Variants in ST3GAL2 observed in about 807,000 individuals in gnomAD.
ST3GAL2 encodes the protein CMP-N-acetylneuraminate-beta-galactosamide-alpha-2,3-sialyltransferase 2.
Under a neutral mutation model 37.5 loss-of-function variants are expected in ST3GAL2, and 16 were observed. That is an observed-to-expected ratio of 0.43 (90% CI 0.29 to 0.65). ST3GAL2 has a LOEUF of 0.65. Among genes scored for constraint, ST3GAL2 ranks in the 30% least tolerant of loss-of-function variants. ST3GAL2 has a pLI of 0.17. For synonymous variants in ST3GAL2, 238 were observed against 202.9 expected (o/e 1.17, Z -1.47); for missense variants, 383 against 487.8 (o/e 0.79, Z 2.02).
intron 2 of ST3GAL2, 128 bp downstream of exon 2, chr16:70,398,064 G>A (rs1567669074): frequency 1.0e-6 from 1 of 964,420 alleles, no homozygotes; most frequent in East Asian, 2.6e-5. Context: ...TCAGTAATCT[G>A]TGATCCTATA....
intron 1 of ST3GAL2, among the ~76,000 whole-genome samples, chr16:70,410,564 CT>C (rs888260538): frequency 3.3e-5 from 5 of 151,736 alleles, no homozygotes; most frequent in African/African-American, 1.2e-4. Context: ...ACCCTCACCA[CT>C]TTTTTTCCCC....
intron 1 of ST3GAL2, among the ~76,000 whole-genome samples, chr16:70,425,793 C>G (rs938163898): frequency 6.6e-6 from 1 of 152,208 alleles, no homozygotes; most frequent in Non-Finnish European, 1.5e-5. Flanking sequence ...AAATCCCTAC[C>G]CTTGATAAAT....
chr16:70,410,805 C>A (rs1209930657), intron 1 of ST3GAL2, among the ~76,000 whole-genome samples: 1 of 133,932 alleles, frequency 7.5e-6, no homozygotes, highest in African/African-American at 2.7e-5. Flanking sequence ...CCATTTAGAT[C>A]CTGTTTTTTT....
rs1158297468 is a variant in ST3GAL2 at position 70,399,001 on chromosome 16, G to T, written c.-471C>A. On this transcript the variant is annotated 5_prime_UTR_variant, in exon 2 of 7. Transcript: ENST00000342907. Reference sequence around the variant, plus strand: ...CGTTCCCGGCAGCGGGGAAGCCCTAGAACTCCAATCACAACAGAGAGCACA... The same window carrying T: ...CGTTCCCGGCAGCGGGGAAGCCCTATAACTCCAATCACAACAGAGAGCACA... 7.2e-6 allele frequency: 3 copies of T among 416,338 alleles called. No homozygotes were observed. In the East Asian group the frequency reaches 1.0e-4, roughly 14 times the overall value. 25.8% of individuals were successfully genotyped at this position (416,338 alleles called of 1,614,324 possible).
At chr16:70,406,840 G>C (rs956755770) in intron 1 of ST3GAL2, among the ~76,000 whole-genome samples, 1 of 152,106 alleles carries the variant, frequency 6.6e-6, no homozygotes, top group Admixed American at 6.6e-5. Context: ...TCAGCTGAGA[G>C]ATGGTCTAGA....
In ST3GAL2 at chr16:70,378,393, G is replaced by A. The variant is rs2047366596; in HGVS notation, c.*3296C>T. The A allele has an allele frequency of 9.0e-6, 1 of 110,676 alleles. No individual in the cohort carries two copies. The highest frequency in any genetic ancestry group is 1.7e-5 in the Non-Finnish European group (1 of 57,612). 6.9% of individuals were successfully genotyped at this position (110,676 alleles called of 1,614,324 possible). ...CACTCCAGCCTGGGTGACAGAGCAAGACTCCATCTCAAAAAAAAAAAAAAA... is the reference window on the plus strand; with the variant it reads ...CACTCCAGCCTGGGTGACAGAGCAAAACTCCATCTCAAAAAAAAAAAAAAA... On this transcript the variant is annotated 3_prime_UTR_variant, in exon 7 of 7. Coordinates refer to ENST00000342907, the MANE Select transcript of ST3GAL2 (RefSeq NM_006927.4).
At chr16:70,402,283 C>CAAAA (rs1042560583) in intron 1 of ST3GAL2, among the ~76,000 whole-genome samples, 301 of 39,420 alleles carry the variant, frequency 7.6e-3, no homozygotes, top group Middle Eastern at 0.013. Flanking sequence ...AACTATTTCT[C>CAAAA]AAAAAAAAAA....
At chr16:70,413,722 G>A (rs906805986) in intron 1 of ST3GAL2, among the ~76,000 whole-genome samples, 1 of 150,342 alleles carries the variant, frequency 6.7e-6, no homozygotes, top group Admixed American at 6.6e-5. Flanking sequence ...GGCAACAAAA[G>A]CGAAACTCCA....
rs568922504 is a variant in ST3GAL2, at chr16:70,426,623, T to C, written c.-1004+12326A>G. On this transcript the variant is annotated intron_variant, in intron 1 of 6. Coordinates refer to ENST00000342907, the MANE Select transcript of ST3GAL2 (RefSeq NM_006927.4). ...GCCTCCCGGGTTCAAGCGATTCTCC[T>C]GCCTCAGCCTCCTGAGTAGCTGGGA... is the stretch of plus-strand genomic sequence containing the variant. Among the ~76,000 whole-genome samples the C allele has an allele frequency of 4.0e-5, 6 of 151,890 alleles. No homozygotes were observed. In the South Asian group the frequency reaches 1.0e-3, roughly 26 times the overall value.
chr16:70,416,555 A>G (rs906023020), intron 1 of ST3GAL2, among the ~76,000 whole-genome samples: 3 of 152,232 alleles, frequency 2.0e-5, no homozygotes, highest in Non-Finnish European at 4.4e-5. Flanking sequence ...CCAACTGAGT[A>G]TCATCTCTCT....
In ST3GAL2 at chr16:70,417,819, G is replaced by A. The variant is rs774809284; in HGVS notation, c.-1003-18286C>T. 2.0e-4 allele frequency among the ~76,000 whole-genome samples: 31 copies of A among 152,100 alleles called. 1 individual carries two copies. Among genetic ancestry groups the A allele is most frequent in the South Asian group, 8.3e-4 (4 of 4,812 alleles). On this transcript the variant is annotated intron_variant, in intron 1 of 6. Transcript: ENST00000342907. ...TGGGGTGGCATGGCGTGGCTGGGGG[G>A]GCGGGGGGAATGTTAGAAGTTCATC... is the stretch of plus-strand genomic sequence containing the variant.
At position 70,386,994 on chromosome 16, in the gene ST3GAL2, G is replaced by A. The variant is rs183221498; in HGVS notation, c.713+1373C>T. 4.8e-3 allele frequency among the ~76,000 whole-genome samples: 727 copies of A among 150,704 alleles called. 13 individuals carry two copies. The highest frequency in any genetic ancestry group is 0.016 in the African/African-American group (669 of 41,096). ...GGGGCCGGGTGTGGTGGCTCATGCC[G>A]TATAATCCCAGCACTTCGGGAGGCC... On this transcript the variant is annotated intron_variant, in intron 4 of 6. Coordinates refer to ENST00000342907, the MANE Select transcript of ST3GAL2 (RefSeq NM_006927.4).
chr16:70,417,904 C>CG (rs1237783245), intron 1 of ST3GAL2, among the ~76,000 whole-genome samples: 1 of 152,064 alleles, frequency 6.6e-6, no homozygotes, highest in African/African-American at 2.4e-5. Context: ...CACTACCTCC[C>CG]GGGGTGAAGG....
At chr16:70,395,499 G>A (rs1442266489) in intron 2 of ST3GAL2, among the ~76,000 whole-genome samples, 3 of 152,152 alleles carry the variant, frequency 2.0e-5, no homozygotes, top group Non-Finnish European at 2.9e-5. Flanking sequence ...TGCAGGCCTG[G>A]GCCACGGAGC....
intron 1 of ST3GAL2, among the ~76,000 whole-genome samples, chr16:70,410,393 G>A (rs1216560838): frequency 6.6e-6 from 1 of 150,962 alleles, no homozygotes; most frequent in Non-Finnish European, 1.5e-5. Context: ...TGGGACCACA[G>A]GTGCCCACCA....
At chr16:70,426,027 A>T (rs1173962910) in intron 1 of ST3GAL2, among the ~76,000 whole-genome samples, 1 of 152,130 alleles carries the variant, frequency 6.6e-6, no homozygotes, top group Non-Finnish European at 1.5e-5. Context: ...AAGCCTCAGC[A>T]GGGGAGGGTG....
At chr16:70,417,752 T>A (rs982431490) in intron 1 of ST3GAL2, among the ~76,000 whole-genome samples, 38 of 149,522 alleles carry the variant, frequency 2.5e-4, no homozygotes, top group African/African-American at 9.4e-4. Context: ...GTGGGATGAA[T>A]AAACGGTGGA....
chr16:70,384,099 G>A (rs956768319), intron 4 of ST3GAL2, among the ~76,000 whole-genome samples: 1 of 151,972 alleles, frequency 6.6e-6, no homozygotes, highest in Non-Finnish European at 1.5e-5. Flanking sequence ...ATCCATTTTA[G>A]CCCTCAGGTC....
chr16:70,392,493 C>T (rs2047488502), intron 3 of ST3GAL2, among the ~76,000 whole-genome samples: 1 of 152,186 alleles, frequency 6.6e-6, no homozygotes, highest in South Asian at 2.1e-4. Flanking sequence ...TGCCTAGTCC[C>T]CTTCACTCCT....
Sources: allele counts gnomAD v4.1 joint callset (sites outside exome capture counted in the v4.1 genomes callset), GRCh38; gene constraint gnomAD v4.1.1; transcripts MANE v1.5; gene names NCBI Gene and HGNC (gene_info 2026-07-23, HGNC 2026-07-21).